Variants in DBH observed in about 807,000 individuals in gnomAD.
DBH encodes dopamine beta-hydroxylase (dopamine beta-monooxygenase).
A neutral mutation model predicts 64.0 loss-of-function variants in DBH; 49 were observed. That is an observed-to-expected ratio of 0.77 (90% CI 0.61 to 0.97). DBH has a LOEUF of 0.97. Among genes scored for constraint, DBH ranks in the 50% least tolerant of loss-of-function variants. The pLI is 0.00. For missense variants in DBH, 828 were observed against 826.6 expected (o/e 1.00, Z -0.02); for synonymous variants, 343 against 347.1 (o/e 0.99, Z 0.13).
At chr9:133,656,344 T>C (rs1832318075) in intron 9 of DBH, 179 bp from the exon 10 acceptor site, 1 of 729,958 alleles carries the variant, frequency 1.4e-6, no homozygotes, top group African/African-American at 1.7e-5. Context: ...TCACTGCCTG[T>C]CTCTCCTGCC....
intron 7 of DBH, 81 bp from the exon 8 acceptor site, chr9:133,652,164 AG>A: frequency 6.5e-7 from 1 of 1,529,004 alleles, no homozygotes. Context: ...GGGAGGCCTG[AG>A]GGAGGACACA....
intron 6 of DBH, among the ~76,000 whole-genome samples, 178 bp downstream of exon 6, chr9:133,648,190 T>C (rs936535698): frequency 1.3e-5 from 2 of 152,230 alleles, no homozygotes; most frequent in Admixed American, 1.3e-4. Flanking sequence ...TGAGAGGCCA[T>C]TTGTGTGTGT....
chr9:133,649,716 C>A (rs902246671), intron 6 of DBH, among the ~76,000 whole-genome samples: 21 of 152,254 alleles, frequency 1.4e-4, no homozygotes, highest in Admixed American at 2.6e-4. Flanking sequence ...ACTGGTGAAG[C>A]GTGGGCCCAT....
intron 9 of DBH, among the ~76,000 whole-genome samples, chr9:133,654,067 C>T (rs1480965061): frequency 6.6e-6 from 1 of 152,094 alleles, no homozygotes; most frequent in African/African-American, 2.4e-5. Context: ...GTGGATTCAC[C>T]TGATGTTTAC....
Position 133,639,931 on chromosome 9 carries a change from G to A in DBH, c.425G>A (p.Gly142Asp), listed in dbSNP as rs757018725. 1.2e-6 allele frequency: 2 copies of A among 1,613,722 alleles called. No homozygotes were observed. The highest frequency in any genetic ancestry group is 2.2e-5 in the South Asian group (2 of 91,038). Residue 142 changes from glycine (G) to aspartate (D), a missense_variant, in exon 2 of 12, where the codon GGC becomes GAC. Transcript: ENST00000393056. ...QLLQVQRTPE[G>D]LTLLFKRPFG... ...CTGCAGGTGCAGAGGACCCCAGAAG[G>A]CCTGACCCTGCTTTTCAAGAGGCCC...
At chr9:133,641,645 T>G (rs1399259453) in intron 2 of DBH, among the ~76,000 whole-genome samples, 1 of 152,240 alleles carries the variant, frequency 6.6e-6, no homozygotes, top group Non-Finnish European at 1.5e-5. Context: ...GCTTGCCTCC[T>G]GAGTCTGCCT....
intron 6 of DBH, among the ~76,000 whole-genome samples, chr9:133,650,878 T>A (rs528466521): frequency 6.6e-6 from 1 of 152,318 alleles, no homozygotes; most frequent in East Asian, 1.9e-4. Flanking sequence ...TAAAAAAAGT[T>A]AGCATTAGGT....
intron 9 of DBH, chr9:133,655,173 T>A (rs557004903): frequency 6.6e-6 from 1 of 152,260 alleles, no homozygotes; most frequent in South Asian, 2.1e-4. Context: ...CTCTTGGCAG[T>A]GGCCACATCA....
rs139743235 is a variant in DBH at position 133,643,496 on chromosome 9, C to T, written c.828C>T (p.Val276=). 6.2e-7 allele frequency: 1 copy of T among 1,613,848 alleles called. No individual in the cohort carries two copies. The highest frequency in any genetic ancestry group is 1.3e-5 in the African/African-American group (1 of 75,034). ...VFQCAPEMDS[V]PHFSGPCDSK... ...AGTGCGCCCCCGAGATGGACAGCGT[C>T]CCCCACTTCAGCGGGCCCTGCGACT... The change falls in exon 4 of 12, where the codon GTC becomes GTT. Residue 276 remains valine, a synonymous_variant. Coordinates refer to ENST00000393056, the MANE Select transcript of DBH (RefSeq NM_000787.4). This position sits in a 1 kb window ranked among gnomAD's most constrained non-coding sequence, Gnocchi z 5.3.
intron 11 of DBH, among the ~76,000 whole-genome samples, chr9:133,657,467 A>G (rs1177007390): frequency 7.3e-5 from 10 of 136,940 alleles, no homozygotes; most frequent in East Asian, 2.2e-4. Flanking sequence ...AGGGAGAGGG[A>G]GAGAGGGAGA....
At chr9:133,658,225 G>C in intron 11 of DBH, 91 bp from the exon 12 acceptor site, 1 of 1,555,346 alleles carries the variant, frequency 6.4e-7, no homozygotes, top group Non-Finnish European at 8.8e-7. Context: ...TTGAGGGCAA[G>C]AATCCAAGAG....
intron 9 of DBH, among the ~76,000 whole-genome samples, chr9:133,653,578 G>A (rs1030243906): frequency 6.6e-5 from 10 of 152,150 alleles, no homozygotes; most frequent in African/African-American, 1.4e-4. Flanking sequence ...GGCTGCGTGC[G>A]GGAAGGCCCA....
chr9:133,656,197 C>A, intron 9 of DBH: 1 of 357,878 alleles, frequency 2.8e-6, no homozygotes, highest in South Asian at 2.4e-5. Flanking sequence ...CACCACGGGG[C>A]ATCCCCTTGC....
chr9:133,641,240 G>C (rs139723581), intron 2 of DBH, among the ~76,000 whole-genome samples: 2 of 152,234 alleles, frequency 1.3e-5, no homozygotes, highest in Admixed American at 6.5e-5. Flanking sequence ...ACTAAGGCCC[G>C]GAGACGGGGA....
chr9:133,651,152 G>A (rs138449799), intron 6 of DBH, among the ~76,000 whole-genome samples: 358 of 152,364 alleles, frequency 2.3e-3, no homozygotes, highest in African/African-American at 8.2e-3. Flanking sequence ...AAGCCACAAC[G>A]CAGGGCAGCT....
intron 5 of DBH, among the ~76,000 whole-genome samples, chr9:133,644,828 G>A (rs1288947041): frequency 1.3e-5 from 2 of 152,204 alleles, no homozygotes; most frequent in Admixed American, 6.5e-5. Flanking sequence ...GGAGTGAGCA[G>A]GGTCAGCTTT....
Position 133,640,005 on chromosome 9 carries a change from C to A in DBH, c.486+13C>A, listed in dbSNP as rs1611119. On this transcript the variant is annotated intron_variant, in intron 2 of 11. Coordinates refer to ENST00000393056, the MANE Select transcript of DBH (RefSeq NM_000787.4). ...TTACCTCATTGAAGTAAGGGGTGGCCGCGAGTACCCAGGAGGGCGTGGGCT... is the reference window on the plus strand; with the variant it reads ...TTACCTCATTGAAGTAAGGGGTGGCAGCGAGTACCCAGGAGGGCGTGGGCT... 6.2e-7 allele frequency: 1 copy of A among 1,613,652 alleles called. No homozygotes were observed. The highest frequency in any genetic ancestry group is 8.5e-7 in the Non-Finnish European group (1 of 1,179,912).
rs13306301 is a variant in DBH at position 133,643,518 on chromosome 9, G to A, written c.850G>A (p.Asp284Asn). Residue 284 changes from aspartate to asparagine, a missense_variant, in exon 4 of 12, where the codon GAC (aspartate) becomes AAC (asparagine). Transcript: ENST00000393056. This position sits in a 1 kb window ranked among gnomAD's most constrained non-coding sequence, Gnocchi z 5.3. ...DSVPHFSGPC[D>N]SKMKPDRLNY... ...CGTCCCCCACTTCAGCGGGCCCTGC[G>A]ACTCCAAGATGAAACCCGACCGCCT... 412 of 1,613,578 alleles carry A rather than the reference G, an allele frequency of 2.6e-4. 1 individual carries two copies. In the East Asian group the frequency reaches 8.3e-3, roughly 33 times the overall value.
intron 5 of DBH, among the ~76,000 whole-genome samples, chr9:133,644,559 C>T (rs925069078): frequency 1.3e-5 from 2 of 152,254 alleles, no homozygotes; most frequent in Admixed American, 1.3e-4. Context: ...GCAGTGGCCC[C>T]ACACCTCCCT....
Sources: allele counts gnomAD v4.1 joint callset (sites outside exome capture counted in the v4.1 genomes callset), GRCh38; gene constraint gnomAD v4.1.1; non-coding constraint Gnocchi (gnomAD v3.1); transcripts MANE v1.5; gene names NCBI Gene and HGNC (gene_info 2026-07-23, HGNC 2026-07-21).